MSR1: variants seen among roughly 807,000 people sequenced by gnomAD.
MSR1 encodes the protein macrophage scavenger receptor 1, also known as macrophage scavenger receptor types I and II.
In MSR1, 53 loss-of-function variants were observed where a neutral mutation model predicts 47.2. The ratio of observed to expected loss-of-function variants is 1.12; its 90% CI spans 0.90 to 1.41. The LOEUF (loss-of-function observed/expected upper bound fraction) is 1.41, where lower values mean the gene tolerates loss of function less well. Ranked by LOEUF, MSR1 falls within the 40% of genes most tolerant of loss-of-function variation. The pLI, the probability that MSR1 is intolerant of heterozygous loss-of-function variation, is 0.00. For synonymous variants in MSR1, 239 were observed against 185.6 expected (o/e 1.29, Z -2.34); for missense variants, 786 against 546.9 (o/e 1.44, Z -4.36).
intron 1 of MSR1, among the ~76,000 whole-genome samples, chr8:16,188,965 T>C (rs629554): frequency 0.17 from 9,245 of 54,274 alleles, 1,015 homozygotes; most frequent in African/African-American, 0.43. Flanking sequence ...TCAACACACA[T>C]ACATATATAT....
rs1349561311 is a variant in MSR1 at position 16,109,901 on chromosome 8, G to T, written c.*184C>A. 2 of 681,124 alleles carry T rather than the reference G, an allele frequency of 2.9e-6. No individual in the cohort carries two copies. The highest frequency in any genetic ancestry group is 4.8e-6 in the Non-Finnish European group (2 of 414,896). The allele number at this position is 681,124 out of a possible 1,614,324, so 42.2% of individuals were successfully genotyped here. On this transcript the variant is annotated 3_prime_UTR_variant, in exon 10 of 10. Coordinates refer to ENST00000262101, the MANE Select transcript of MSR1 (RefSeq NM_138715.3). ...TTTAAAAACCTATAGAAGTTAAAATGATTTAAATATAGACATAAAATAGTA... is the reference window on the plus strand; with the variant it reads ...TTTAAAAACCTATAGAAGTTAAAATTATTTAAATATAGACATAAAATAGTA...
At chr8:16,132,987 T>G (rs1233218760) in intron 8 of MSR1, among the ~76,000 whole-genome samples, 2 of 152,168 alleles carry the variant, frequency 1.3e-5, no homozygotes, top group Non-Finnish European at 2.9e-5. Context: ...GAAGAGGTGT[T>G]GAATTTTATC....
intron 1 of MSR1, among the ~76,000 whole-genome samples, chr8:16,185,614 A>G (rs1563172962): frequency 6.6e-6 from 1 of 152,080 alleles, no homozygotes; most frequent in Non-Finnish European, 1.5e-5. Context: ...CTGACTGCAC[A>G]AAAACTCCTG....
chr8:16,182,657 T>C (rs969038935), intron 1 of MSR1, among the ~76,000 whole-genome samples: 1 of 152,004 alleles, frequency 6.6e-6, no homozygotes, highest in Non-Finnish European at 1.5e-5. Context: ...GTCAGGCTCA[T>C]CAATGCCACT....
At chr8:16,149,568 A>G (rs1477650616) in intron 7 of MSR1, among the ~76,000 whole-genome samples, 2 of 152,046 alleles carry the variant, frequency 1.3e-5, no homozygotes, top group African/African-American at 2.4e-5. Flanking sequence ...TGAAATGAGG[A>G]GACAGTAAGC....
intron 9 of MSR1, among the ~76,000 whole-genome samples, chr8:16,115,428 G>C (rs1287068901): frequency 6.6e-6 from 1 of 152,030 alleles, no homozygotes; most frequent in Non-Finnish European, 1.5e-5. Context: ...AAAAAATCAG[G>C]AATGTTTTAA....
intron 1 of MSR1, among the ~76,000 whole-genome samples, chr8:16,192,033 T>G (rs1802213480): frequency 6.6e-6 from 1 of 152,166 alleles, no homozygotes; most frequent in Admixed American, 6.5e-5. Flanking sequence ...ATTATGCCTA[T>G]TTGGGGATAT....
chr8:16,188,879 A>G (rs1024148868), intron 1 of MSR1, among the ~76,000 whole-genome samples: 3 of 151,162 alleles, frequency 2.0e-5, no homozygotes, highest in Non-Finnish European at 4.4e-5. Context: ...CATGGTGTAT[A>G]TATGCCACAT....
intron 8 of MSR1, among the ~76,000 whole-genome samples, chr8:16,125,985 C>G (rs1170865890): frequency 6.6e-6 from 1 of 152,010 alleles, no homozygotes; most frequent in Non-Finnish European, 1.5e-5. Flanking sequence ...TAAATGTGAA[C>G]ATTTCAAAGG....
intron 9 of MSR1, among the ~76,000 whole-genome samples, chr8:16,115,510 A>G (rs1292737388): frequency 6.6e-6 from 1 of 152,208 alleles, no homozygotes; most frequent in Non-Finnish European, 1.5e-5. Context: ...CTGTCTCTTA[A>G]AATACAATAT....
chr8:16,178,694 G>T (rs900165793), intron 1 of MSR1, among the ~76,000 whole-genome samples: 5 of 152,204 alleles, frequency 3.3e-5, no homozygotes, highest in South Asian at 4.1e-4. Context: ...ACTTCCACAA[G>T]GGTTGAACTA....
chr8:16,118,173 G>C (rs1013578057), intron 9 of MSR1, among the ~76,000 whole-genome samples: 2 of 151,838 alleles, frequency 1.3e-5, no homozygotes, highest in African/African-American at 4.8e-5. Flanking sequence ...TAAATAACTG[G>C]CAAATTTTAT....
In MSR1 at chr8:16,167,152, C is replaced by T. The variant is rs1049314643; in HGVS notation, c.630+1306G>A. Among the ~76,000 whole-genome samples the T allele has an allele frequency of 3.9e-5, 6 of 152,134 alleles. No individual in the cohort carries two copies. The South Asian group carries it at 6.2e-4, about 16-fold the overall frequency. ...AGCTCACTGATCACCAGATTTTGATCGTTTCCATTAATTATCACTTCAAAC... is the reference window on the plus strand; with the variant it reads ...AGCTCACTGATCACCAGATTTTGATTGTTTCCATTAATTATCACTTCAAAC... On this transcript the variant is annotated intron_variant, in intron 4 of 9. Transcript: ENST00000262101.
chr8:16,115,911 G>C (rs1585132110), intron 9 of MSR1, among the ~76,000 whole-genome samples: 1 of 152,128 alleles, frequency 6.6e-6, no homozygotes, highest in Non-Finnish European at 1.5e-5. Flanking sequence ...TCGCTTGAGA[G>C]CAGGAGTTTG....
chr8:16,163,202 C>T (rs1461841443), intron 5 of MSR1, among the ~76,000 whole-genome samples: 7 of 151,664 alleles, frequency 4.6e-5, no homozygotes, highest in Admixed American at 3.9e-4. Context: ...CCAAAAGTGG[C>T]AATACAGCAA....
intron 8 of MSR1, among the ~76,000 whole-genome samples, chr8:16,127,481 T>G (rs76030534): frequency 0.026 from 4,017 of 152,302 alleles, 100 homozygotes; most frequent in Middle Eastern, 0.095. Flanking sequence ...AAATCTTGTC[T>G]TATCCACCAT....
In MSR1 at chr8:16,174,344, A is replaced by T. The variant is rs540239194; in HGVS notation, c.217+843T>A. Among the ~76,000 whole-genome samples, 5 of 152,318 alleles carry T rather than the reference A, an allele frequency of 3.3e-5. No individual in the cohort carries two copies. The East Asian group carries it at 9.7e-4, about 29-fold the overall frequency. On this transcript the variant is annotated intron_variant, in intron 3 of 9. Coordinates refer to ENST00000262101, the MANE Select transcript of MSR1 (RefSeq NM_138715.3). ...ATTAGAGCACATGGGCAGACATTTT[A>T]TCAGTCATATAGAGAAGAGGAGAGC...
intron 1 of MSR1, among the ~76,000 whole-genome samples, chr8:16,185,071 G>A (rs557184291): frequency 1.9e-4 from 29 of 152,066 alleles, no homozygotes; most frequent in Non-Finnish European, 2.6e-4. Context: ...TGTGCACCAT[G>A]GGAAGTCTGT....
chr8:16,110,142 TTGCCGAATTTTACATTCTTCAATAGA>T lies in MSR1; in HGVS notation c.1273_1298del (p.Ser425MetfsTer10). 6.2e-7 allele frequency: 1 copy of T among 1,613,734 alleles called. No homozygotes were observed. Among genetic ancestry groups the T allele is most frequent in the Non-Finnish European group, 8.5e-7 (1 of 1,179,738 alleles). ...AATGTGAACAGGCTCTTGTCCCCCA[TTGCCGAATTTTACATTCTTCAATAGA>T]TGATTCTCTCCCAAAACAAAACACT... is the stretch of plus-strand genomic sequence containing the variant. On this transcript the variant is annotated frameshift_variant, in exon 10 of 10. Transcript: ENST00000262101. LOFTEE classifies it high-confidence loss of function.
Sources: gnomAD v4.1 joint callset for allele counts (sites outside exome capture counted in the v4.1 genomes callset) on GRCh38, gnomAD v4.1.1 for gene constraint, MANE v1.5 for transcripts, NCBI Gene and HGNC (gene_info 2026-07-23, HGNC 2026-07-21) for gene names.